The following FBXL20 variants were observed in gnomAD, a reference collection of about 807,000 sequenced individuals.
The protein encoded by FBXL20 is F-box and leucine rich repeat protein 20, also known as F-box/LRR-repeat protein 20.
Under a neutral mutation model 64.0 loss-of-function variants are expected in FBXL20, and 11 were observed. The observed-to-expected ratio is 0.17, with a 90% CI of 0.11 to 0.28. The LOEUF (loss-of-function observed/expected upper bound fraction) is 0.28, where lower values mean the gene tolerates loss of function less well. FBXL20 is among the 10% of genes least tolerant of loss of function. The pLI is 1.00. For synonymous variants in FBXL20, 184 were observed against 189.0 expected (o/e 0.97, Z 0.22); for missense variants, 303 against 526.2 (o/e 0.58, Z 4.15).
intron 6 of FBXL20, among the ~76,000 whole-genome samples, chr17:39,286,759 T>C (rs1334603362): frequency 4.6e-5 from 7 of 150,938 alleles, no homozygotes; most frequent in South Asian, 2.1e-4. Context: ...GATTGCACCA[T>C]TGCACTCCAG....
intron 2 of FBXL20, among the ~76,000 whole-genome samples, chr17:39,322,163 C>CA (rs761771926): frequency 0.021 from 1,096 of 52,404 alleles, 59 homozygotes; most frequent in East Asian, 0.054. Flanking sequence ...CTATCTCTAC[C>CA]AAAAAAAAAA....
chr17:39,297,039 C>A, intron 6 of FBXL20, 88 bp downstream of exon 6: 1 of 770,576 alleles, frequency 1.3e-6, no homozygotes, highest in Non-Finnish European at 2.0e-6. Flanking sequence ...ATAAAATTTG[C>A]TCAATAGAGT....
chr17:39,282,283 G>T (rs2046955835), intron 8 of FBXL20, among the ~76,000 whole-genome samples: 1 of 152,098 alleles, frequency 6.6e-6, no homozygotes, highest in Admixed American at 6.6e-5. Context: ...TGACTGGCAG[G>T]AAATAAGCAT....
At chr17:39,267,394 A>G (rs936080147) in intron 12 of FBXL20, among the ~76,000 whole-genome samples, 2 of 152,176 alleles carry the variant, frequency 1.3e-5, no homozygotes, top group African/African-American at 2.4e-5. Flanking sequence ...ACTTTGTTCT[A>G]TCTCCTTAGA....
chr17:39,335,995 G>A (rs539034782), intron 2 of FBXL20, among the ~76,000 whole-genome samples: 1 of 152,028 alleles, frequency 6.6e-6, no homozygotes, highest in Admixed American at 6.6e-5. Flanking sequence ...AACAACATGC[G>A]TGTAGTCCCA....
At chr17:39,292,793 T>G (rs77281170) in intron 6 of FBXL20, among the ~76,000 whole-genome samples, 1 of 142,076 alleles carries the variant, frequency 7.0e-6, no homozygotes, top group African/African-American at 2.8e-5. Context: ...GTCTTATAAT[T>G]TTTTTTTTTT....
chr17:39,337,331 C>T (rs1235497291), intron 2 of FBXL20, among the ~76,000 whole-genome samples: 2 of 151,664 alleles, frequency 1.3e-5, no homozygotes, highest in African/African-American at 2.4e-5. Context: ...GATCTCGGCT[C>T]GCTACAACCT....
intron 1 of FBXL20, among the ~76,000 whole-genome samples, chr17:39,391,597 T>C (rs575043756): frequency 6.6e-6 from 1 of 152,280 alleles, no homozygotes; most frequent in African/African-American, 2.4e-5. Flanking sequence ...TGTTTCATAG[T>C]TCGGAACTGA....
chr17:39,371,271 AT>A (rs1318617548), intron 1 of FBXL20, among the ~76,000 whole-genome samples: 2 of 152,240 alleles, frequency 1.3e-5, no homozygotes, highest in Non-Finnish European at 2.9e-5. Context: ...CATAAAAAAA[AT>A]AACAAAAATA....
intron 6 of FBXL20, among the ~76,000 whole-genome samples, chr17:39,290,057 T>C (rs1175686659): frequency 6.6e-6 from 1 of 151,206 alleles, no homozygotes; most frequent in African/African-American, 2.4e-5. Flanking sequence ...ATCATTTACT[T>C]AAGTCTTTTT....
intron 9 of FBXL20, among the ~76,000 whole-genome samples, chr17:39,276,603 A>T (rs1178144400): frequency 6.6e-6 from 1 of 151,118 alleles, no homozygotes; most frequent in Non-Finnish European, 1.5e-5. Flanking sequence ...TGGGAGGTGG[A>T]GGTTGCAGTG....
intron 1 of FBXL20, among the ~76,000 whole-genome samples, chr17:39,388,129 G>T (rs1294262776): frequency 6.6e-6 from 1 of 151,964 alleles, no homozygotes; most frequent in Non-Finnish European, 1.5e-5. Context: ...TTGAGAAAAT[G>T]GTATTATTTT....
chr17:39,293,700 C>A (rs939295470), intron 6 of FBXL20, among the ~76,000 whole-genome samples: 1 of 152,074 alleles, frequency 6.6e-6, no homozygotes, highest in African/African-American at 2.4e-5. Flanking sequence ...CCTGGAAATT[C>A]TTTGGCTTAT....
At chr17:39,398,040 CGGGGGGGGGGGGG>C (rs56842905) in intron 1 of FBXL20, among the ~76,000 whole-genome samples, 1 of 56,714 alleles carries the variant, frequency 1.8e-5, no homozygotes, top group Admixed American at 1.6e-4. Context: ...GGCCGGCGGG[CGGGGGGGGGGGGG>C]GGGTTGGATC....
chr17:39,263,873 GCTTT>G (rs60542073), intron 14 of FBXL20: 3,985 of 226,026 alleles, frequency 0.018, 155 homozygotes, highest in African/African-American at 0.086. Flanking sequence ...TGTGGCATGT[GCTTT>G]TTTTTTTTTT....
chr17:39,319,391 A>T (rs947187191), intron 2 of FBXL20, among the ~76,000 whole-genome samples: 3 of 151,780 alleles, frequency 2.0e-5, no homozygotes, highest in Non-Finnish European at 4.4e-5. Flanking sequence ...AGAGAGATTT[A>T]AAAAGGATAG....
chr17:39,401,950 G>C, upstream of FBXL20: 2 of 440,016 alleles, frequency 4.5e-6, no homozygotes, highest in Non-Finnish European at 7.5e-6. Flanking sequence ...GCGCGTGCTC[G>C]CGGACCAGCG....
intron 5 of FBXL20, among the ~76,000 whole-genome samples, chr17:39,298,221 C>T: frequency 6.6e-6 from 1 of 152,044 alleles, no homozygotes; most frequent in East Asian, 1.9e-4. Flanking sequence ...CTCAAGTGAT[C>T]CTCCTACTTC....
intron 2 of FBXL20, among the ~76,000 whole-genome samples, chr17:39,318,175 C>T (rs2047315199): frequency 6.6e-6 from 1 of 152,052 alleles, no homozygotes; most frequent in African/African-American, 2.4e-5. Context: ...TTTCATTATA[C>T]CATGTTGTCT....
Sources: allele counts gnomAD v4.1 joint callset (sites outside exome capture counted in the v4.1 genomes callset), GRCh38; gene constraint gnomAD v4.1.1; transcripts MANE v1.5; gene names NCBI Gene and HGNC (gene_info 2026-07-23, HGNC 2026-07-21).